Variants in RBFOX3 observed in about 807,000 individuals in gnomAD.
RBFOX3 encodes the protein RNA binding protein fox-1 homolog 3.
A neutral mutation model predicts 48.7 loss-of-function variants in RBFOX3; 17 were observed. The observed-to-expected ratio is 0.35, with a 90% CI of 0.24 to 0.52. The LOEUF (loss-of-function observed/expected upper bound fraction) is 0.52. Ranked by LOEUF, RBFOX3 falls within the 20% of genes least tolerant of loss-of-function variation. The probability of loss-of-function intolerance (pLI) is 0.94; values close to 1 mark genes in which losing one functional copy is unlikely to be tolerated. For missense variants in RBFOX3, 382 were observed against 497.5 expected, an observed-to-expected ratio of 0.77 and a Z score of 2.21; for synonymous variants, 212 against 209.5, an observed-to-expected ratio of 1.01 and a Z score of -0.10.
Position 79,477,332 on chromosome 17 carries a change from G to GGGCA in RBFOX3, c.-175+5121_-175+5122insTGCC, listed in dbSNP as rs1645519822. Among the ~76,000 whole-genome samples the GGGCA allele has an allele frequency of 3.1e-4, 47 of 150,364 alleles. No individual in the cohort carries two copies. In the East Asian group the frequency reaches 5.7e-3, roughly 18 times the overall value. ...AGCACTTTGGGAGGCCAAGGCAGGT[G>GGGCA]GATCACGAGGTCAGGAGATCGAGAT... is the stretch of plus-strand genomic sequence containing the variant. On this transcript the variant is annotated intron_variant, in intron 2 of 14. Coordinates refer to ENST00000693108, the MANE Select transcript of RBFOX3 (RefSeq NM_001350451.2). The surrounding 1 kb of genome is among the most constrained non-coding windows in gnomAD (Gnocchi z 4.8).
At chr17:79,246,802 G>A (rs1019158236) in intron 3 of RBFOX3, among the ~76,000 whole-genome samples, 18 of 152,154 alleles carry the variant, frequency 1.2e-4, no homozygotes, top group African/African-American at 3.4e-4. Context: ...CAGCAGAAGT[G>A]TTGCAGGGGA....
chr17:79,211,340 C>T lies in RBFOX3; in HGVS notation c.-34+24426G>A, dbSNP rs563137271. ...CAACGCCAGCCTCCGCCACCTCCTG[C>T]CCGCTCAGCCTCCGGAACCATGAGC... On this transcript the variant is annotated intron_variant, in intron 4 of 14. Transcript: ENST00000693108. 1.2e-4 allele frequency among the ~76,000 whole-genome samples: 18 copies of T among 152,382 alleles called. No homozygotes were observed. The South Asian group carries it at 3.7e-3, about 32-fold the overall frequency.
Position 79,391,246 on chromosome 17 carries a change from T to C in RBFOX3, c.-174-83422A>G, listed in dbSNP as rs1002784538. On this transcript the variant is annotated intron_variant, in intron 2 of 14. Coordinates refer to ENST00000693108, the MANE Select transcript of RBFOX3 (RefSeq NM_001350451.2). The surrounding 1 kb of genome is among the most constrained non-coding windows in gnomAD (Gnocchi z 5.0). ...ACTGCTTGCAGGATGAAATCCAAAT[T>C]CCTTAGCGCAACCCCCAAGCTGGGG... Among the ~76,000 whole-genome samples the C allele has an allele frequency of 3.3e-5, 5 of 151,974 alleles. No homozygotes were observed. The highest frequency in any genetic ancestry group is 1.2e-4 in the African/African-American group (5 of 41,366).
At position 79,443,839 on chromosome 17, in the gene RBFOX3, T is replaced by C. The variant is rs1281612641; in HGVS notation, c.-175+38615A>G. On this transcript the variant is annotated intron_variant, in intron 2 of 14. Transcript: ENST00000693108. This position sits in a 1 kb window ranked among gnomAD's most constrained non-coding sequence, Gnocchi z 4.4. ...GCCCCAGAGTGACCCTCTGGGATGATGGTGGGAGGGGCAGGCTGCAGAGAA... is the reference window on the plus strand; with the variant it reads ...GCCCCAGAGTGACCCTCTGGGATGACGGTGGGAGGGGCAGGCTGCAGAGAA... Among the ~76,000 whole-genome samples, 8 of 152,040 alleles carry C rather than the reference T, an allele frequency of 5.3e-5. No homozygotes were observed. The highest frequency in any genetic ancestry group is 1.9e-4 in the African/African-American group (8 of 41,396).
chr17:79,396,709 G>C (rs1472070921), intron 2 of RBFOX3, among the ~76,000 whole-genome samples: 3 of 152,212 alleles, frequency 2.0e-5, no homozygotes, highest in African/African-American at 7.2e-5. Flanking sequence ...CTACTGCTCG[G>C]AGGGATGAAA....
At chr17:79,519,650 C>T (rs934206137) in intron 1 of RBFOX3, among the ~76,000 whole-genome samples, 2 of 152,224 alleles carry the variant, frequency 1.3e-5, no homozygotes, top group Admixed American at 6.5e-5. Flanking sequence ...CACCCCTAAG[C>T]CCTTGGAGTA....
chr17:79,504,098 C>T (rs1442804163), intron 1 of RBFOX3, among the ~76,000 whole-genome samples: 3 of 152,156 alleles, frequency 2.0e-5, no homozygotes, highest in African/African-American at 7.2e-5. Context: ...GAGAGAGTTC[C>T]TGTGACCAAA....
Position 79,421,339 on chromosome 17 carries a change from G to A in RBFOX3, c.-175+61115C>T, listed in dbSNP as rs1331372774. On this transcript the variant is annotated intron_variant, in intron 2 of 14. Transcript: ENST00000693108. This position sits in a 1 kb window ranked among gnomAD's most constrained non-coding sequence, Gnocchi z 4.5. Reference sequence around the variant, plus strand: ...TGAGAGTGGTTCTGGAAGCCTCTACGCTTGAGGCTGGTGTCAGAAGTGGGG... The same window carrying A: ...TGAGAGTGGTTCTGGAAGCCTCTACACTTGAGGCTGGTGTCAGAAGTGGGG... Among the ~76,000 whole-genome samples, 3 of 152,190 alleles carry A rather than the reference G, an allele frequency of 2.0e-5. No individual in the cohort carries two copies. Among genetic ancestry groups the A allele is most frequent in the Non-Finnish European group, 2.9e-5 (2 of 68,028 alleles).
intron 4 of RBFOX3, among the ~76,000 whole-genome samples, chr17:79,138,467 C>A (rs1285689909): frequency 2.6e-5 from 4 of 152,074 alleles, no homozygotes; most frequent in Admixed American, 6.5e-5. Context: ...CATGCACATA[C>A]ACACCATGTC....
At chr17:79,372,760 G>A (rs1289540644) in intron 2 of RBFOX3, among the ~76,000 whole-genome samples, 1 of 152,178 alleles carries the variant, frequency 6.6e-6, no homozygotes, top group Non-Finnish European at 1.5e-5. Context: ...AGGGACTGTT[G>A]CCCACCTTTG....
chr17:79,631,703 G>A, the RBFOX3 span, among the ~76,000 whole-genome samples: 2 of 152,128 alleles, frequency 1.3e-5, no homozygotes, highest in Non-Finnish European at 2.9e-5. Context: ...CACCTCTCAG[G>A]AGGAGCTGCC....
At chr17:79,114,156 T>C (rs1348353231) in intron 5 of RBFOX3, among the ~76,000 whole-genome samples, 1 of 152,194 alleles carries the variant, frequency 6.6e-6, no homozygotes, top group Non-Finnish European at 1.5e-5. Context: ...CTAGCGTGAC[T>C]TGTTTATGGT....
intron 1 of RBFOX3, among the ~76,000 whole-genome samples, chr17:79,593,793 G>A (rs1171870842): frequency 5.3e-5 from 8 of 152,310 alleles, no homozygotes; most frequent in East Asian, 3.9e-4. Context: ...TCAGGCAGTC[G>A]GTCATCTGCA....
intron 1 of RBFOX3, among the ~76,000 whole-genome samples, chr17:79,606,014 CT>C (rs1488527054): frequency 6.6e-6 from 1 of 152,238 alleles, no homozygotes; most frequent in Admixed American, 6.5e-5. Context: ...CTTCTGCCCC[CT>C]ATCCCCTGAC....
chr17:79,518,890 G>C (rs2085646129), intron 1 of RBFOX3, among the ~76,000 whole-genome samples: 1 of 152,258 alleles, frequency 6.6e-6, no homozygotes, highest in South Asian at 2.1e-4. Context: ...TTTTCCCGTC[G>C]TAGGGAGGGT....
chr17:79,537,681 A>C (rs1244698309), intron 1 of RBFOX3, among the ~76,000 whole-genome samples: 1 of 152,166 alleles, frequency 6.6e-6, no homozygotes, highest in Non-Finnish European at 1.5e-5. Flanking sequence ...ACAGACTTTG[A>C]AACTGTGGAG....
At chr17:79,272,823 C>T (rs1406830917) in intron 3 of RBFOX3, among the ~76,000 whole-genome samples, 1 of 152,122 alleles carries the variant, frequency 6.6e-6, no homozygotes, top group African/African-American at 2.4e-5. Context: ...TGCCCTCTTC[C>T]TCTCCTGTCC....
At chr17:79,468,937 AGGATGGAT>A (rs199614550) in intron 2 of RBFOX3, among the ~76,000 whole-genome samples, 18,087 of 89,890 alleles carry the variant, frequency 0.2, 1,491 homozygotes, top group Middle Eastern at 0.31. Flanking sequence ...TAGAGACGGG[AGGATGGAT>A]GGATGGATGG....
At chr17:79,574,983 G>C (rs1158517313) in intron 1 of RBFOX3, among the ~76,000 whole-genome samples, 1 of 152,216 alleles carries the variant, frequency 6.6e-6, no homozygotes, top group Admixed American at 6.5e-5. Context: ...CTGGTCCAAG[G>C]ATCGCACTTT....
Sources: gnomAD v4.1 joint callset for allele counts (sites outside exome capture counted in the v4.1 genomes callset) on GRCh38, gnomAD v4.1.1 for gene constraint, Gnocchi (gnomAD v3.1) non-coding constraint, MANE v1.5 for transcripts, NCBI Gene and HGNC (gene_info 2026-07-23, HGNC 2026-07-21) for gene names.